ME3: variants seen among roughly 807,000 people sequenced by gnomAD.
The protein encoded by ME3 is malic enzyme 3.
A neutral mutation model predicts 68.9 loss-of-function variants in ME3; 48 were observed. The observed-to-expected ratio is 0.70, with a 90% CI of 0.55 to 0.89. The LOEUF (loss-of-function observed/expected upper bound fraction) is 0.89, where lower values mean the gene tolerates loss of function less well. Among genes scored for constraint, ME3 ranks in the 40% least tolerant of loss-of-function variants. The pLI is 0.00. For missense variants in ME3, 675 were observed against 797.4 expected, an observed-to-expected ratio of 0.85 and a Z score of 1.85; for synonymous variants, 320 against 318.8, an observed-to-expected ratio of 1.00 and a Z score of -0.04.
intron 7 of ME3, among the ~76,000 whole-genome samples, chr11:86,475,581 A>C (rs1200720846): frequency 6.6e-6 from 1 of 152,050 alleles, no homozygotes; most frequent in Non-Finnish European, 1.5e-5. Context: ...ATTTGGAGGA[A>C]ATTTCATGAA....
intron 2 of ME3, among the ~76,000 whole-genome samples, chr11:86,597,593 A>G (rs1431496958): frequency 6.6e-6 from 1 of 152,240 alleles, no homozygotes; most frequent in Non-Finnish European, 1.5e-5. Context: ...TAGACACAGC[A>G]TGACTTTTTA....
At chr11:86,553,026 T>C (rs896528666) in intron 4 of ME3, among the ~76,000 whole-genome samples, 2 of 152,132 alleles carry the variant, frequency 1.3e-5, no homozygotes, top group Non-Finnish European at 2.9e-5. Context: ...GCCTCACCTC[T>C]GGCTTTCACC....
chr11:86,645,963 G>A (rs1944983772), intron 2 of ME3, among the ~76,000 whole-genome samples: 1 of 152,180 alleles, frequency 6.6e-6, no homozygotes, highest in Admixed American at 6.5e-5. Flanking sequence ...AGAGCGACCT[G>A]ACTGTTAGAA....
chr11:86,581,031 G>A (rs1230845418), intron 2 of ME3, among the ~76,000 whole-genome samples: 1 of 152,112 alleles, frequency 6.6e-6, no homozygotes, highest in African/African-American at 2.4e-5. Flanking sequence ...CAAAGTCTGG[G>A]AATTGAAGTG....
At chr11:86,497,485 G>A (rs1257418079) in intron 6 of ME3, among the ~76,000 whole-genome samples, 2 of 152,090 alleles carry the variant, frequency 1.3e-5, no homozygotes, top group African/African-American at 2.4e-5. Flanking sequence ...TCTCACCTAC[G>A]CTTGGCTCAG....
At chr11:86,655,704 T>C (rs1478416658) in intron 2 of ME3, among the ~76,000 whole-genome samples, 3 of 151,796 alleles carry the variant, frequency 2.0e-5, no homozygotes, top group Non-Finnish European at 2.9e-5. Flanking sequence ...ACTTCATGTC[T>C]AAAACACCAA....
At chr11:86,532,368 T>A (rs1326467292) in intron 4 of ME3, among the ~76,000 whole-genome samples, 2 of 152,158 alleles carry the variant, frequency 1.3e-5, no homozygotes, top group Non-Finnish European at 2.9e-5. Flanking sequence ...ACAAAATGGA[T>A]CTACAGATAT....
At chr11:86,540,610 G>T (rs1043816850) in intron 4 of ME3, among the ~76,000 whole-genome samples, 1 of 152,178 alleles carries the variant, frequency 6.6e-6, no homozygotes, top group Admixed American at 6.6e-5. Flanking sequence ...TCAGTTCATA[G>T]ATAAAGATTT....
At chr11:86,528,019 T>C (rs996195611) in intron 4 of ME3, among the ~76,000 whole-genome samples, 1 of 152,158 alleles carries the variant, frequency 6.6e-6, no homozygotes, top group African/African-American at 2.4e-5. Context: ...CAACCTTAAA[T>C]GTAAATGGAC....
intron 4 of ME3, among the ~76,000 whole-genome samples, chr11:86,548,874 C>A (rs1036366454): frequency 3.3e-5 from 5 of 152,236 alleles, no homozygotes; most frequent in African/African-American, 9.6e-5. Flanking sequence ...GTGGAAATGT[C>A]TTCTACTCCT....
chr11:86,453,921 A>C (rs1949776495), intron 8 of ME3, among the ~76,000 whole-genome samples: 1 of 152,244 alleles, frequency 6.6e-6, no homozygotes, highest in African/African-American at 2.4e-5. Context: ...GTTGTAGCAG[A>C]TCCTTAGTGT....
intron 2 of ME3, among the ~76,000 whole-genome samples, chr11:86,637,967 T>TACACACACACACACACACAC (rs5793205): frequency 1.3e-3 from 184 of 145,156 alleles, no homozygotes; most frequent in African/African-American, 4.6e-3. Context: ...TGCTCATGCA[T>TACACACACACACACACACAC]ACACACACAC....
intron 7 of ME3, among the ~76,000 whole-genome samples, chr11:86,479,886 C>T (rs1396623849): frequency 2.6e-5 from 4 of 151,416 alleles, no homozygotes; most frequent in Non-Finnish European, 5.9e-5. Flanking sequence ...GCCATCTCAG[C>T]TCACTGCAAC....
chr11:86,563,643 G>A (rs1437110532), intron 2 of ME3, among the ~76,000 whole-genome samples: 2 of 152,094 alleles, frequency 1.3e-5, no homozygotes, highest in Non-Finnish European at 2.9e-5. Flanking sequence ...AAACGAAGAG[G>A]TCCAGTTTTA....
At chr11:86,654,347 A>G (rs868835590) in intron 2 of ME3, among the ~76,000 whole-genome samples, 1 of 152,272 alleles carries the variant, frequency 6.6e-6, no homozygotes, top group African/African-American at 2.4e-5. Flanking sequence ...AAAATCCTCA[A>G]TAAAATACTG....
intron 2 of ME3, among the ~76,000 whole-genome samples, chr11:86,623,563 A>T (rs7937853): frequency 0.39 from 58,684 of 152,066 alleles, 11,995 homozygotes; most frequent in East Asian, 0.7. Flanking sequence ...TAATGAAAGT[A>T]AAAGTGCTTA....
intron 2 of ME3, among the ~76,000 whole-genome samples, chr11:86,657,933 G>A (rs1414554725): frequency 6.6e-6 from 1 of 152,102 alleles, no homozygotes; most frequent in Non-Finnish European, 1.5e-5. Flanking sequence ...AGGGATGCAA[G>A]TAAAGAAGAC....
chr11:86,466,708 C>T (rs893809876), intron 7 of ME3, among the ~76,000 whole-genome samples: 4 of 152,174 alleles, frequency 2.6e-5, no homozygotes, highest in African/African-American at 9.7e-5. Context: ...ATATTTGTTC[C>T]TGCCGTGGTC....
At chr11:86,448,281 T>C in intron 10 of ME3, 26 bp from the exon 11 acceptor site, 1 of 1,569,748 alleles carries the variant, frequency 6.4e-7, no homozygotes, top group Non-Finnish European at 8.8e-7. Context: ...CACAGAGCAG[T>C]TGTGGTCGTG....
Sources: allele counts gnomAD v4.1 joint callset (sites outside exome capture counted in the v4.1 genomes callset), GRCh38; gene constraint gnomAD v4.1.1; transcripts MANE v1.5; gene names NCBI Gene and HGNC (gene_info 2026-07-23, HGNC 2026-07-21).